The following ATP10A variants were observed in gnomAD, a reference collection of about 807,000 sequenced individuals.
ATP10A encodes the protein ATPase phospholipid transporting 10A (putative), also known as phospholipid-transporting ATPase VA.
In ATP10A, 111 loss-of-function variants were observed where a neutral mutation model predicts 147.8. The ratio of observed to expected loss-of-function variants is 0.75; its 90% confidence interval spans 0.64 to 0.88. The LOEUF (loss-of-function observed/expected upper bound fraction) is 0.88. Among genes scored for constraint, ATP10A ranks in the 40% least tolerant of loss-of-function variants. The probability of loss-of-function intolerance (pLI) is 0.00; values close to 1 mark genes in which losing one functional copy is unlikely to be tolerated. For synonymous variants in ATP10A, 875 were observed against 841.6 expected (o/e 1.04, Z -0.69); for missense variants, 1,927 against 1,959.0 (o/e 0.98, Z 0.31).
At chr15:25,856,111 G>A (rs80131915) in intron 1 of ATP10A, among the ~76,000 whole-genome samples, 4,376 of 152,278 alleles carry the variant, frequency 0.029, 239 homozygotes, top group African/African-American at 0.099. Context: ...ATTTTAGAAA[G>A]CTAACTGGTT....
chr15:25,708,784 A>C (rs1406893786), intron 10 of ATP10A: 1 of 161,492 alleles, frequency 6.2e-6, no homozygotes, highest in Non-Finnish European at 1.4e-5. Flanking sequence ...TTCTATCCTC[A>C]GAAGAGTAGG....
At chr15:25,727,001 G>T (rs1902610771) in intron 4 of ATP10A, among the ~76,000 whole-genome samples, 159 bp downstream of exon 4, 1 of 149,922 alleles carries the variant, frequency 6.7e-6, no homozygotes, top group Admixed American at 6.6e-5. Flanking sequence ...AGCTTGCAGT[G>T]AGCCGAGATC....
At chr15:25,785,481 C>A (rs536254639) in intron 1 of ATP10A, among the ~76,000 whole-genome samples, 1 of 152,170 alleles carries the variant, frequency 6.6e-6, no homozygotes. Context: ...TCCACTGCCA[C>A]GGCAGCCTGA....
chr15:25,733,565 G>A (rs12914474), intron 3 of ATP10A, among the ~76,000 whole-genome samples: 98,979 of 152,140 alleles, frequency 0.65, 34,209 homozygotes, highest in Non-Finnish European at 0.78. Context: ...CACCCCCAGA[G>A]GCCCCTCCTG....
intron 13 of ATP10A, among the ~76,000 whole-genome samples, chr15:25,700,842 T>A (rs1039773970): frequency 5.3e-5 from 8 of 151,930 alleles, no homozygotes; most frequent in African/African-American, 1.9e-4. Context: ...ATATGCTAAT[T>A]ATAGATAAAT....
intron 1 of ATP10A, among the ~76,000 whole-genome samples, chr15:25,846,674 C>T (rs1171734839): frequency 6.6e-6 from 1 of 152,218 alleles, no homozygotes; most frequent in Non-Finnish European, 1.5e-5. Context: ...ACGTGCCTGA[C>T]ACGTGCAATG....
intron 2 of ATP10A, among the ~76,000 whole-genome samples, chr15:25,749,945 A>AAAAG (rs1888059757): frequency 6.6e-6 from 1 of 152,178 alleles, no homozygotes; most frequent in Admixed American, 6.5e-5. Flanking sequence ...TAAGAGAAAA[A>AAAAG]AGAATCAAAA....
intron 15 of ATP10A, 106 bp downstream of exon 15, chr15:25,691,609 C>T: frequency 1.7e-6 from 2 of 1,146,364 alleles, no homozygotes; most frequent in Non-Finnish European, 2.6e-6. Context: ...AACCCTTTAG[C>T]CTCGTTCAGT....
intron 1 of ATP10A, among the ~76,000 whole-genome samples, chr15:25,800,592 A>G (rs1346792673): frequency 6.6e-6 from 1 of 152,218 alleles, no homozygotes; most frequent in East Asian, 1.9e-4. Flanking sequence ...CCTTCCCGGA[A>G]GAAGCTACAT....
Position 25,847,702 on chromosome 15 carries a change from A to G in ATP10A, c.449+14946T>C, listed in dbSNP as rs189299711. On this transcript the variant is annotated intron_variant, in intron 1 of 20. Transcript: ENST00000555815. ...GGCTGGAGTGCAGTAGTGCAATCATAATCACGTCTCACAGCACTCTTAACC... is the reference window on the plus strand; with the variant it reads ...GGCTGGAGTGCAGTAGTGCAATCATGATCACGTCTCACAGCACTCTTAACC... 2.4e-3 allele frequency among the ~76,000 whole-genome samples: 315 copies of G among 131,428 alleles called. 1 individual carries two copies. The highest frequency in any genetic ancestry group is 9.1e-3 in the African/African-American group (307 of 33,810). 86.2% of individuals were successfully genotyped at this position (131,428 alleles called of 152,430 possible).
intron 8 of ATP10A, 35 bp downstream of exon 8, chr15:25,718,147 T>C: frequency 6.3e-7 from 1 of 1,594,216 alleles, no homozygotes; most frequent in Non-Finnish European, 8.6e-7. Flanking sequence ...GGAAGAGACG[T>C]GGCAGCACCC....
intron 2 of ATP10A, among the ~76,000 whole-genome samples, chr15:25,747,060 G>GT (rs1178217699): frequency 4.6e-5 from 7 of 152,210 alleles, no homozygotes; most frequent in Non-Finnish European, 8.8e-5. Context: ...GCCAAGGCGG[G>GT]TGGATCAAGT....
chr15:25,815,102 C>T (rs901813242), intron 1 of ATP10A, among the ~76,000 whole-genome samples: 1 of 152,178 alleles, frequency 6.6e-6, no homozygotes, highest in Non-Finnish European at 1.5e-5. Flanking sequence ...CTCCCTCCAT[C>T]CCCTACTACC....
chr15:25,677,652 A>G (rs1335412664), downstream of ATP10A: 1 of 152,330 alleles, frequency 6.6e-6, no homozygotes, highest in East Asian at 1.9e-4. Context: ...AGGAGGTGGC[A>G]TCAGGCTGGG....
rs4906758 is a variant in ATP10A, at chr15:25,729,952, G to T, written c.741-2686C>A. The stretch of plus-strand genomic sequence containing the variant: ...GGCTTTGAGCTGGGTCCCTCCAGTG[G>T]GGGATGACAGGAAGGACACTGGAGG... On this transcript the variant is annotated intron_variant, in intron 3 of 20. Transcript: ENST00000555815. 8.0e-3 allele frequency among the ~76,000 whole-genome samples: 1,222 copies of T among 152,116 alleles called. 16 individuals are homozygous for T. The highest frequency in any genetic ancestry group is 0.028 in the African/African-American group (1,161 of 41,464).
chr15:25,767,884 G>GC (rs1889113328), intron 2 of ATP10A, among the ~76,000 whole-genome samples: 1 of 152,244 alleles, frequency 6.6e-6, no homozygotes, highest in African/African-American at 2.4e-5. Flanking sequence ...ACCCTTGCGG[G>GC]CCCTCTGTCT....
At chr15:25,700,437 G>A (rs1320415799) in intron 13 of ATP10A, among the ~76,000 whole-genome samples, 1 of 152,228 alleles carries the variant, frequency 6.6e-6, no homozygotes, top group Non-Finnish European at 1.5e-5. Context: ...CAACTAAAAT[G>A]TTCTTCACTG....
At chr15:25,736,162 C>T in intron 2 of ATP10A, 21 bp from the exon 3 acceptor site, 1 of 1,604,490 alleles carries the variant, frequency 6.2e-7, no homozygotes, top group Non-Finnish European at 8.5e-7. Flanking sequence ...AGCACGTAGA[C>T]ATTAGAGAAA....
At chr15:25,693,736 C>T (rs188672220) in intron 14 of ATP10A, among the ~76,000 whole-genome samples, 115 of 152,322 alleles carry the variant, frequency 7.5e-4, no homozygotes, top group Non-Finnish European at 2.8e-4. Flanking sequence ...TGCCCACTCT[C>T]CTTAGCGGTT....
Sources: allele counts gnomAD v4.1 joint callset (sites outside exome capture counted in the v4.1 genomes callset), GRCh38; gene constraint gnomAD v4.1.1; transcripts MANE v1.5; gene names NCBI Gene and HGNC (gene_info 2026-07-23, HGNC 2026-07-21).